Variants in KIRREL3 observed in about 807,000 individuals in gnomAD.
The protein encoded by KIRREL3 is kin of IRRE-like protein 3.
KIRREL3 carries 36 observed loss-of-function variants against 89.7 expected under a neutral mutation model. The observed-to-expected ratio is 0.40, with a 90% CI of 0.31 to 0.53. KIRREL3 has a LOEUF of 0.53. Among genes scored for constraint, KIRREL3 ranks in the 20% least tolerant of loss-of-function variants. KIRREL3 has a pLI of 0.49. For synonymous variants in KIRREL3, 445 were observed against 441.4 expected (o/e 1.01, Z -0.10); for missense variants, 864 against 1,056.6 (o/e 0.82, Z 2.53).
Position 126,812,651 on chromosome 11 carries a change from C to T in KIRREL3, c.55+187804G>A, listed in dbSNP as rs576781151. Among the ~76,000 whole-genome samples, 18 of 152,286 alleles carry T rather than the reference C, an allele frequency of 1.2e-4. No homozygotes were observed. Among genetic ancestry groups the T allele is most frequent in the Middle Eastern group, 3.4e-3 (1 of 294 alleles). On this transcript the variant is annotated intron_variant, in intron 1 of 16. Transcript: ENST00000525144. The surrounding 1 kb of genome is among the most constrained non-coding windows in gnomAD (Gnocchi z 5.2). The stretch of plus-strand genomic sequence containing the variant: ...GGTTAGTAACTAGATTTTCTTAGTC[C>T]GCCCTGACTTTGGGCCTTTGTCCAT...
At chr11:126,712,367 G>A (rs1947794944) in intron 1 of KIRREL3, among the ~76,000 whole-genome samples, 1 of 152,174 alleles carries the variant, frequency 6.6e-6, no homozygotes, top group African/African-American at 2.4e-5. Context: ...GAGTGAGGCA[G>A]GGTCTGGCAG....
At chr11:126,779,196 A>T (rs1950254234) in intron 1 of KIRREL3, among the ~76,000 whole-genome samples, 1 of 152,216 alleles carries the variant, frequency 6.6e-6, no homozygotes. Flanking sequence ...CATACATGGA[A>T]GTCTGGACTC....
chr11:126,893,053 G>A (rs904548565), intron 1 of KIRREL3, among the ~76,000 whole-genome samples: 9 of 152,148 alleles, frequency 5.9e-5, no homozygotes, highest in Admixed American at 2.6e-4. Context: ...TGATATTCTC[G>A]CATTTACATT....
Position 126,952,163 on chromosome 11 carries a change from A to T in KIRREL3, c.55+48292T>A, listed in dbSNP as rs184355489. Among the ~76,000 whole-genome samples the T allele has an allele frequency of 4.1e-3, 621 of 152,336 alleles. 5 individuals are homozygous for T. The highest frequency in any genetic ancestry group is 6.0e-3 in the Non-Finnish European group (408 of 68,032). ...CGCTTTGGGAGGCCGAGGCCGGTGG[A>T]TCACCTGAGGTCAGGAGTTCGAGAG... On this transcript the variant is annotated intron_variant, in intron 1 of 16. Transcript: ENST00000525144.
intron 8 of KIRREL3, among the ~76,000 whole-genome samples, chr11:126,447,885 C>T (rs928486233): frequency 8.5e-5 from 13 of 152,180 alleles, no homozygotes; most frequent in African/African-American, 3.1e-4. Context: ...AAGTTTAAAA[C>T]TGTAAGGGGC....
At chr11:126,700,572 C>T (rs937217828) in intron 1 of KIRREL3, among the ~76,000 whole-genome samples, 2 of 152,206 alleles carry the variant, frequency 1.3e-5, no homozygotes, top group Admixed American at 6.5e-5. Context: ...GCTGCTGTCC[C>T]CAGATCAGCT....
At position 126,537,968 on chromosome 11, in the gene KIRREL3, G is replaced by A. The variant is rs1292068178; in HGVS notation, c.134-11281C>T. ...TTAGAATGCTGCATGGGTGGTGCAG[G>A]AGACAGTGGGTGAGCCCTCCCATTG... On this transcript the variant is annotated intron_variant, in intron 2 of 16. Transcript: ENST00000525144. This position sits in a 1 kb window ranked among gnomAD's most constrained non-coding sequence, Gnocchi z 4.3. 2.6e-5 allele frequency among the ~76,000 whole-genome samples: 4 copies of A among 152,056 alleles called. No homozygotes were observed. The highest frequency in any genetic ancestry group is 9.7e-5 in the African/African-American group (4 of 41,394).
chr11:126,784,462 A>C (rs951837137), intron 1 of KIRREL3, among the ~76,000 whole-genome samples: 34 of 151,968 alleles, frequency 2.2e-4, no homozygotes, highest in African/African-American at 8.0e-4. Flanking sequence ...GTTAGGGTAC[A>C]TGACTTGGTT....
At position 126,486,759 on chromosome 11, in the gene KIRREL3, C is replaced by T. The variant is rs1266212385; in HGVS notation, c.434-13293G>A. Among the ~76,000 whole-genome samples, 7 of 152,200 alleles carry T rather than the reference C, an allele frequency of 4.6e-5. No homozygotes were observed. Among genetic ancestry groups the T allele is most frequent in the South Asian group, 2.1e-4 (1 of 4,830 alleles). On this transcript the variant is annotated intron_variant, in intron 4 of 16. Coordinates refer to ENST00000525144, the MANE Select transcript of KIRREL3 (RefSeq NM_032531.4). This position sits in a 1 kb window ranked among gnomAD's most constrained non-coding sequence, Gnocchi z 6.2. Reference sequence around the variant, plus strand: ...GGACTCTGGCTCAGATCCTGCTGCCCCAACCACTCAGTCCTAACTGCGGTA... The same window carrying T: ...GGACTCTGGCTCAGATCCTGCTGCCTCAACCACTCAGTCCTAACTGCGGTA...
Position 126,812,187 on chromosome 11 carries a change from G to T in KIRREL3, c.55+188268C>A, listed in dbSNP as rs552264225. The stretch of plus-strand genomic sequence containing the variant: ...ATTCTTTCTATTGTGATCATAAGAA[G>T]AAGAAGGCCAAAGGATCATTAATTT... On this transcript the variant is annotated intron_variant, in intron 1 of 16. Transcript: ENST00000525144. This position sits in a 1 kb window ranked among gnomAD's most constrained non-coding sequence, Gnocchi z 5.2. Among the ~76,000 whole-genome samples the T allele has an allele frequency of 6.6e-6, 1 of 152,184 alleles. No homozygotes were observed. Among genetic ancestry groups the T allele is most frequent in the Non-Finnish European group, 1.5e-5 (1 of 68,034 alleles).
At position 126,525,851 on chromosome 11, in the gene KIRREL3, G is replaced by A. The variant is rs536680575; in HGVS notation, c.283+687C>T. 5.9e-5 allele frequency among the ~76,000 whole-genome samples: 9 copies of A among 152,068 alleles called. No individual in the cohort carries two copies. The South Asian group carries it at 1.0e-3, about 17-fold the overall frequency. ...AGGGAAGAGGATGGATTGGAAAAGC[G>A]TCTGTATGGTCTTATGGGATCACTA... is the stretch of plus-strand genomic sequence containing the variant. On this transcript the variant is annotated intron_variant, in intron 3 of 16. Coordinates refer to ENST00000525144, the MANE Select transcript of KIRREL3 (RefSeq NM_032531.4). This position sits in a 1 kb window ranked among gnomAD's most constrained non-coding sequence, Gnocchi z 5.4.
At chr11:126,634,947 G>A (rs1944205819) in intron 1 of KIRREL3, among the ~76,000 whole-genome samples, 1 of 152,190 alleles carries the variant, frequency 6.6e-6, no homozygotes, top group Admixed American at 6.5e-5. Flanking sequence ...AGGGAAGAAA[G>A]CAGCACAGCA....
At chr11:126,753,520 G>C (rs193252782) in intron 1 of KIRREL3, among the ~76,000 whole-genome samples, 1 of 152,178 alleles carries the variant, frequency 6.6e-6, no homozygotes, top group Non-Finnish European at 1.5e-5. Flanking sequence ...AGACAATTGT[G>C]GGGGACAAGA....
intron 10 of KIRREL3, among the ~76,000 whole-genome samples, 178 bp downstream of exon 10, chr11:126,444,801 C>A (rs547818007): frequency 6.6e-6 from 1 of 152,332 alleles, no homozygotes; most frequent in East Asian, 1.9e-4. Context: ...CCCTTCCTCC[C>A]TCAGCCTGGG....
chr11:126,579,837 GA>G lies in KIRREL3; in HGVS notation c.56-16926del. Among the ~76,000 whole-genome samples the G allele has an allele frequency of 8.7e-6, 1 of 114,288 alleles. No homozygotes were observed. The highest frequency in any genetic ancestry group is 2.7e-4 in the East Asian group (1 of 3,696). 75.0% of individuals were successfully genotyped at this position (114,288 alleles called of 152,430 possible). A position where few individuals can be genotyped will look rare whatever the true frequency, so the allele number is the denominator to read the frequency against. ...TCCTTGAATTGTGAGGTCCTTAAAAGAGGGAGCCAAGTCATTTTTTTTTTTT... is the reference window on the plus strand; with the variant it reads ...TCCTTGAATTGTGAGGTCCTTAAAAGGGGAGCCAAGTCATTTTTTTTTTTT... On this transcript the variant is annotated intron_variant, in intron 1 of 16. Coordinates refer to ENST00000525144, the MANE Select transcript of KIRREL3 (RefSeq NM_032531.4). This position sits in a 1 kb window ranked among gnomAD's most constrained non-coding sequence, Gnocchi z 5.3.
At position 126,870,061 on chromosome 11, in the gene KIRREL3, T is replaced by G. The variant is rs1443871052; in HGVS notation, c.55+130394A>C. The stretch of plus-strand genomic sequence containing the variant: ...AACAGTCCTCTAATCTTGAGTAAAG[T>G]TCATTGGGCCCATGTACAGCTGGCA... On this transcript the variant is annotated intron_variant, in intron 1 of 16. Transcript: ENST00000525144. This position sits in a 1 kb window ranked among gnomAD's most constrained non-coding sequence, Gnocchi z 4.4. 1.3e-5 allele frequency among the ~76,000 whole-genome samples: 2 copies of G among 152,202 alleles called. No individual in the cohort carries two copies. The highest frequency in any genetic ancestry group is 2.9e-5 in the Non-Finnish European group (2 of 68,026).
In KIRREL3 at chr11:126,990,084, G is replaced by T. The variant is rs193279233; in HGVS notation, c.55+10371C>A. 1.1e-3 allele frequency among the ~76,000 whole-genome samples: 163 copies of T among 152,296 alleles called. 2 individuals carry two copies. Among genetic ancestry groups the T allele is most frequent in the Admixed American group, 2.6e-3 (40 of 15,306 alleles). ...AGGGAAAACGCCTGGAGCGGGGCAG[G>T]GGGCACAGGCCTGGAGGCGGCTCTA... On this transcript the variant is annotated intron_variant, in intron 1 of 16. Transcript: ENST00000525144. This position sits in a 1 kb window ranked among gnomAD's most constrained non-coding sequence, Gnocchi z 6.3.
chr11:127,002,408 T>G (rs1480092586), upstream of KIRREL3, among the ~76,000 whole-genome samples: 1 of 152,212 alleles, frequency 6.6e-6, no homozygotes, highest in East Asian at 1.9e-4. Flanking sequence ...ATTAGCTAAA[T>G]TAACAAACAA....
chr11:126,536,765 C>T (rs1937925433), intron 2 of KIRREL3, among the ~76,000 whole-genome samples: 1 of 149,554 alleles, frequency 6.7e-6, no homozygotes, highest in Admixed American at 6.8e-5. Context: ...CTGCTTTAGC[C>T]TCCAAAGTAG....
Sources: allele counts gnomAD v4.1 joint callset (sites outside exome capture counted in the v4.1 genomes callset), GRCh38; gene constraint gnomAD v4.1.1; non-coding constraint Gnocchi (gnomAD v3.1); transcripts MANE v1.5; gene names NCBI Gene and HGNC (gene_info 2026-07-23, HGNC 2026-07-21).